The following GTF2A1 variants were observed in gnomAD, a reference collection of about 807,000 sequenced individuals.
The protein encoded by GTF2A1 is general transcription factor IIA subunit 1, also known as transcription initiation factor IIA subunit 1.
A neutral mutation model predicts 54.1 loss-of-function variants in GTF2A1; 12 were observed. The observed-to-expected ratio is 0.22, with a 90% CI of 0.14 to 0.36. The LOEUF (loss-of-function observed/expected upper bound fraction) is 0.36. GTF2A1 is among the 10% of genes least tolerant of loss of function. GTF2A1 has a pLI of 1.00. For missense variants in GTF2A1, 335 were observed against 442.2 expected (o/e 0.76, Z 2.17); for synonymous variants, 145 against 152.0 (o/e 0.95, Z 0.34).
At position 81,176,620 on chromosome 14, in the gene GTF2A1, A is replaced by T. The variant is rs1892534267; in HGVS notation, c.*3603T>A. On this transcript the variant is annotated 3_prime_UTR_variant, in exon 9 of 9. Transcript: ENST00000553612. ...GGCAGGCTTAAAAAGGGAACAATAT[A>T]AACTTCGTAATAATTTTCATAGCAT... 6.6e-6 allele frequency: 1 copy of T among 152,180 alleles called. No homozygotes were observed. Among genetic ancestry groups the T allele is most frequent in the South Asian group, 2.1e-4 (1 of 4,836 alleles). The allele number at this position is 152,180 out of a possible 1,614,324, so 9.4% of individuals were successfully genotyped here. A position where few individuals can be genotyped will look rare whatever the true frequency, so the allele number is the denominator to read the frequency against.
Position 81,179,679 on chromosome 14 carries a change from T to A in GTF2A1, c.*544A>T, listed in dbSNP as rs1323979349. ...CTGGAAAGGAAGAGGTATATATCAC[T>A]GAGGGAGAATAGCAAGTAAAAATAT... is the stretch of plus-strand genomic sequence containing the variant. On this transcript the variant is annotated 3_prime_UTR_variant, in exon 9 of 9. Transcript: ENST00000553612. 6.6e-6 allele frequency: 1 copy of A among 152,232 alleles called. No homozygotes were observed. Among genetic ancestry groups the A allele is most frequent in the Non-Finnish European group, 1.5e-5 (1 of 68,032 alleles). 9.4% of individuals were successfully genotyped at this position (152,232 alleles called of 1,614,324 possible).
chr14:81,214,950 TAG>T (rs1893455407), intron 2 of GTF2A1, among the ~76,000 whole-genome samples: 2 of 152,208 alleles, frequency 1.3e-5, no homozygotes, highest in South Asian at 4.1e-4. Context: ...TACAATTAAG[TAG>T]TTGGGAAAAG....
chr14:81,216,808 T>C (rs547418651), intron 1 of GTF2A1, among the ~76,000 whole-genome samples: 47 of 152,348 alleles, frequency 3.1e-4, no homozygotes, highest in African/African-American at 1.1e-3. Context: ...TGTTCAATAA[T>C]AGCTTTACGG....
Position 81,192,804 on chromosome 14 carries a change from C to T in GTF2A1, c.648G>A (p.Gln216=). Residue 216 remains glutamine (Q), a synonymous_variant, in exon 7 of 9, where the codon CAG becomes CAA. Coordinates refer to ENST00000553612, the MANE Select transcript of GTF2A1 (RefSeq NM_015859.4). ...LAPLPGGISP[Q]TGVIIQPQQI... ...GCTGAGGCTGGATGATGACACCTGT[C>T]TGTGGTGAAATCCCTCCAGGAAGAG... is the stretch of plus-strand genomic sequence containing the variant. 6.2e-7 allele frequency: 1 copy of T among 1,613,296 alleles called. No individual in the cohort carries two copies. Among genetic ancestry groups the T allele is most frequent in the Non-Finnish European group, 8.5e-7 (1 of 1,179,224 alleles).
At chr14:81,216,351 C>A (rs140329119) in intron 2 of GTF2A1, 62 bp downstream of exon 2, 4 of 749,824 alleles carry the variant, frequency 5.3e-6, no homozygotes, top group Non-Finnish European at 9.4e-6. Flanking sequence ...GATTCATCTC[C>A]GGCTAAAGAA....
intron 2 of GTF2A1, among the ~76,000 whole-genome samples, chr14:81,210,940 C>T (rs1363915802): frequency 2.6e-5 from 4 of 152,178 alleles, no homozygotes; most frequent in Admixed American, 1.3e-4. Flanking sequence ...GGAGAAAATT[C>T]ATCTTCTGTT....
intron 2 of GTF2A1, among the ~76,000 whole-genome samples, chr14:81,213,315 G>A (rs893475212): frequency 3.8e-5 from 3 of 79,392 alleles, no homozygotes; most frequent in African/African-American, 1.6e-4. Flanking sequence ...AAAAATGGAG[G>A]TGGAAACATT....
intron 6 of GTF2A1, among the ~76,000 whole-genome samples, chr14:81,193,909 T>A (rs1892931422): frequency 6.6e-6 from 1 of 151,814 alleles, no homozygotes; most frequent in African/African-American, 2.4e-5. Flanking sequence ...GACAAAAAAA[T>A]GGTATAATAG....
At chr14:81,208,627 A>G (rs1455800973) in intron 2 of GTF2A1, among the ~76,000 whole-genome samples, 3 of 152,052 alleles carry the variant, frequency 2.0e-5, no homozygotes, top group Non-Finnish European at 2.9e-5. Flanking sequence ...GAAAAGCCGC[A>G]CTCAATGCCA....
At chr14:81,205,996 A>C (rs1405511397) in intron 2 of GTF2A1, among the ~76,000 whole-genome samples, 1 of 152,178 alleles carries the variant, frequency 6.6e-6, no homozygotes, top group Non-Finnish European at 1.5e-5. Context: ...AAACAAAACA[A>C]AGCCTGTTTC....
At chr14:81,215,807 G>A (rs368767051) in intron 2 of GTF2A1, among the ~76,000 whole-genome samples, 6 of 152,094 alleles carry the variant, frequency 3.9e-5, no homozygotes, top group South Asian at 2.1e-4. Context: ...AGGCCGAGGC[G>A]GGAGGATCAC....
chr14:81,220,566 TA>T lies in GTF2A1; in HGVS notation c.-49del. On this transcript the variant is annotated 5_prime_UTR_variant, in exon 1 of 9. Coordinates refer to ENST00000553612, the MANE Select transcript of GTF2A1 (RefSeq NM_015859.4). Reference sequence around the variant, plus strand: ...AGGGGGCAACCCCAAGAAAACAAGATAAAAACAAAACCAAAAAAAAAAAAAC... The same window carrying T: ...AGGGGGCAACCCCAAGAAAACAAGATAAAACAAAACCAAAAAAAAAAAAAC... The T allele has an allele frequency of 7.2e-7, 1 of 1,387,560 alleles. No homozygotes were observed. The highest frequency in any genetic ancestry group is 1.6e-5 in the African/African-American group (1 of 61,122). 86.0% of individuals were successfully genotyped at this position (1,387,560 alleles called of 1,614,324 possible).
At chr14:81,208,311 C>T (rs1277514239) in intron 2 of GTF2A1, among the ~76,000 whole-genome samples, 2 of 152,188 alleles carry the variant, frequency 1.3e-5, no homozygotes, top group Admixed American at 6.5e-5. Flanking sequence ...AGCCCCAAAC[C>T]TTGGCAGCGT....
At chr14:81,217,858 C>T (rs558913083) in intron 1 of GTF2A1, among the ~76,000 whole-genome samples, 5 of 152,158 alleles carry the variant, frequency 3.3e-5, no homozygotes, top group Non-Finnish European at 5.9e-5. Flanking sequence ...ACTATTTAAT[C>T]CTTCTCATTA....
In GTF2A1 at chr14:81,220,507, C is replaced by A; in HGVS notation, c.12G>T (p.Ser4=). Residue 4 remains serine, a synonymous_variant, in exon 1 of 9, where the codon TCG becomes TCT. Coordinates refer to ENST00000553612, the MANE Select transcript of GTF2A1 (RefSeq NM_015859.4). Reference sequence around the variant, plus strand: ...TCCTTACCACGGTGTTTGTATTTGCCGAGTTCGCCATTTCCACACACAACA... The same window carrying A: ...TCCTTACCACGGTGTTTGTATTTGCAGAGTTCGCCATTTCCACACACAACA... MAN[S]ANTNTVPKLY... 2 of 1,579,696 alleles carry A rather than the reference C, an allele frequency of 1.3e-6. No individual in the cohort carries two copies. The highest frequency in any genetic ancestry group is 1.7e-6 in the Non-Finnish European group (2 of 1,162,558).
intron 6 of GTF2A1, among the ~76,000 whole-genome samples, chr14:81,195,902 G>A (rs1369826272): frequency 6.6e-6 from 1 of 152,142 alleles, no homozygotes; most frequent in African/African-American, 2.4e-5. Context: ...GATGATGAAG[G>A]ATGGGCAGAG....
chr14:81,190,585 T>C (rs1892855452), intron 7 of GTF2A1, among the ~76,000 whole-genome samples: 1 of 151,998 alleles, frequency 6.6e-6, no homozygotes. Flanking sequence ...TTTAATTAAA[T>C]GCAACATTCA....
chr14:81,210,609 C>A (rs998347790), intron 2 of GTF2A1, among the ~76,000 whole-genome samples: 1 of 152,114 alleles, frequency 6.6e-6, no homozygotes, highest in Non-Finnish European at 1.5e-5. Flanking sequence ...GGCTGGAGTG[C>A]AATGGTGCGA....
chr14:81,196,679 A>G (rs1402621846), intron 5 of GTF2A1, among the ~76,000 whole-genome samples: 1 of 152,226 alleles, frequency 6.6e-6, no homozygotes, highest in African/African-American at 2.4e-5. Flanking sequence ...CTTTGCTTCA[A>G]AATTGGTAAA....
Sources: gnomAD v4.1 joint callset for allele counts (sites outside exome capture counted in the v4.1 genomes callset) on GRCh38, gnomAD v4.1.1 for gene constraint, MANE v1.5 for transcripts, NCBI Gene and HGNC (gene_info 2026-07-23, HGNC 2026-07-21) for gene names.